MACROD2: variants seen among roughly 807,000 people sequenced by gnomAD.
The protein encoded by MACROD2 is ADP-ribose glycohydrolase MACROD2.
A neutral mutation model predicts 70.4 loss-of-function variants in MACROD2; 36 were observed. The ratio of observed to expected loss-of-function variants is 0.51; its 90% CI spans 0.39 to 0.68. The LOEUF (loss-of-function observed/expected upper bound fraction) is 0.68, where lower values mean the gene tolerates loss of function less well. Ranked by LOEUF, MACROD2 falls within the 30% of genes least tolerant of loss-of-function variation. The pLI is 0.00. For synonymous variants in MACROD2, 172 were observed against 178.8 expected (o/e 0.96, Z 0.30); for missense variants, 496 against 538.4 (o/e 0.92, Z 0.78).
intron 3 of MACROD2, among the ~76,000 whole-genome samples, chr20:14,121,885 T>G (rs6074688): frequency 6.6e-6 from 1 of 152,204 alleles, no homozygotes; most frequent in African/African-American, 2.4e-5. Context: ...ATTAATTTTA[T>G]ACCTCTTTTA....
intron 6 of MACROD2, among the ~76,000 whole-genome samples, chr20:15,379,516 C>T (rs2045612201): frequency 1.3e-5 from 2 of 152,070 alleles, no homozygotes; most frequent in South Asian, 2.1e-4. Flanking sequence ...CAGCTGTCCA[C>T]ATTTCAGCAA....
At chr20:14,583,399 CT>C (rs1397985227) in intron 4 of MACROD2, among the ~76,000 whole-genome samples, 1 of 152,182 alleles carries the variant, frequency 6.6e-6, no homozygotes, top group African/African-American at 2.4e-5. Context: ...GGCATCTGTA[CT>C]TTTCTCAGCA....
chr20:15,515,562 G>C (rs2047556129), intron 8 of MACROD2, among the ~76,000 whole-genome samples: 2 of 152,190 alleles, frequency 1.3e-5, no homozygotes, highest in South Asian at 4.1e-4. Context: ...CTGACTCAAG[G>C]ACTGCAATTG....
At chr20:15,344,555 A>G (rs1326367221) in intron 6 of MACROD2, among the ~76,000 whole-genome samples, 5 of 152,112 alleles carry the variant, frequency 3.3e-5, no homozygotes, top group African/African-American at 1.2e-4. Context: ...TTTTTTTCGT[A>G]TAGAAACAAT....
chr20:15,373,965 GTTCA>G (rs1441787720), intron 6 of MACROD2, among the ~76,000 whole-genome samples: 1 of 151,890 alleles, frequency 6.6e-6, no homozygotes, highest in African/African-American at 2.4e-5. Context: ...TTATTTTGAT[GTTCA>G]TTCTTTTGTT....
intron 5 of MACROD2, among the ~76,000 whole-genome samples, chr20:15,221,024 G>A (rs866753399): frequency 1.3e-5 from 2 of 152,160 alleles, no homozygotes; most frequent in East Asian, 1.9e-4. Context: ...ATCAGCCTGC[G>A]TGTCCCGACA....
At chr20:15,379,403 T>C (rs1331434441) in intron 6 of MACROD2, among the ~76,000 whole-genome samples, 1 of 152,128 alleles carries the variant, frequency 6.6e-6, no homozygotes, top group Non-Finnish European at 1.5e-5. Flanking sequence ...CACTCTCAAC[T>C]TGTCATTTCC....
At chr20:16,003,608 G>A (rs2066745518) in intron 15 of MACROD2, among the ~76,000 whole-genome samples, 1 of 152,130 alleles carries the variant, frequency 6.6e-6, no homozygotes, top group Non-Finnish European at 1.5e-5. Flanking sequence ...GTTAAAGCAT[G>A]GCTTTCAGTG....
chr20:15,405,455 C>T (rs1030102672), intron 6 of MACROD2, among the ~76,000 whole-genome samples: 3 of 152,126 alleles, frequency 2.0e-5, no homozygotes, highest in Admixed American at 1.3e-4. Context: ...GGCCCAGCCT[C>T]CAGGAGCAAT....
chr20:15,592,303 G>C (rs981835757), intron 8 of MACROD2, among the ~76,000 whole-genome samples: 1 of 152,216 alleles, frequency 6.6e-6, no homozygotes. Context: ...ACAGAGCCAA[G>C]AGTTGCAGAG....
chr20:14,894,089 A>G (rs574809184), intron 5 of MACROD2: 6 of 152,068 alleles, frequency 3.9e-5, no homozygotes, highest in Admixed American at 3.9e-4. Context: ...TCTGGCTGTT[A>G]TTTCATGTTT....
chr20:15,401,963 T>C (rs2045936653), intron 6 of MACROD2, among the ~76,000 whole-genome samples: 1 of 152,210 alleles, frequency 6.6e-6, no homozygotes. Context: ...ACCTTAAATT[T>C]CCTAAATATC....
At chr20:15,994,991 A>C (rs1399057807) in intron 15 of MACROD2, among the ~76,000 whole-genome samples, 2 of 152,182 alleles carry the variant, frequency 1.3e-5, no homozygotes, top group African/African-American at 4.8e-5. Context: ...TTTCACAGTG[A>C]AAACTACTAC....
intron 8 of MACROD2, among the ~76,000 whole-genome samples, chr20:15,515,005 A>T (rs1239416037): frequency 1.3e-5 from 2 of 152,228 alleles, no homozygotes; most frequent in Non-Finnish European, 2.9e-5. Context: ...TCCATGCTGC[A>T]GCTCATACAA....
At chr20:15,197,250 C>G (rs1208373328) in intron 5 of MACROD2, among the ~76,000 whole-genome samples, 2 of 151,818 alleles carry the variant, frequency 1.3e-5, no homozygotes, top group Admixed American at 1.3e-4. Flanking sequence ...AATGACATCC[C>G]AAAGGAGAAA....
chr20:14,861,816 C>A (rs975491891), intron 5 of MACROD2, among the ~76,000 whole-genome samples: 4 of 148,272 alleles, frequency 2.7e-5, no homozygotes, highest in African/African-American at 1.0e-4. Flanking sequence ...CTCTTGACAA[C>A]GTTCCTTCTT....
At chr20:14,851,270 C>T (rs2073196414) in intron 5 of MACROD2, among the ~76,000 whole-genome samples, 1 of 152,096 alleles carries the variant, frequency 6.6e-6, no homozygotes, top group Non-Finnish European at 1.5e-5. Context: ...CTGGACACCA[C>T]ATAACAAATT....
At chr20:15,513,304 C>T (rs1600517415) in intron 8 of MACROD2, among the ~76,000 whole-genome samples, 1 of 152,180 alleles carries the variant, frequency 6.6e-6, no homozygotes, top group East Asian at 1.9e-4. Flanking sequence ...CTAAGTACAG[C>T]TGGGTAATGG....
At chr20:15,471,279 G>T (rs2046961523) in intron 7 of MACROD2, among the ~76,000 whole-genome samples, 1 of 152,058 alleles carries the variant, frequency 6.6e-6, no homozygotes, top group Admixed American at 6.6e-5. Flanking sequence ...GTACTCCTAG[G>T]GATCATCTCT....
Sources: gnomAD v4.1 joint callset for allele counts (sites outside exome capture counted in the v4.1 genomes callset) on GRCh38, gnomAD v4.1.1 for gene constraint, MANE v1.5 for transcripts, NCBI Gene and HGNC (gene_info 2026-07-23, HGNC 2026-07-21) for gene names.